The following GIGYF2 variants were observed in gnomAD, a reference collection of about 807,000 sequenced individuals.
GIGYF2 encodes the protein GRB10-interacting GYF protein 2.
GIGYF2 carries 25 observed loss-of-function variants against 208.1 expected under a neutral mutation model. That is an observed-to-expected ratio of 0.12 (90% CI 0.09 to 0.17). The LOEUF (loss-of-function observed/expected upper bound fraction) is 0.17, where lower values mean the gene tolerates loss of function less well. Among genes scored for constraint, GIGYF2 ranks in the 10% least tolerant of loss-of-function variants. GIGYF2 has a pLI of 1.00. For missense variants in GIGYF2, 1,302 were observed against 1,579.4 expected, an observed-to-expected ratio of 0.82 and a Z score of 2.98; for synonymous variants, 534 against 543.8, an observed-to-expected ratio of 0.98 and a Z score of 0.25.
intron 3 of GIGYF2, among the ~76,000 whole-genome samples, chr2:232,737,907 CTTTTTTTTT>C (rs11320395): frequency 1.2e-5 from 1 of 85,218 alleles, no homozygotes; most frequent in South Asian, 5.3e-4. Context: ...TAAGCTTTAA[CTTTTTTTTT>C]TTTTTTTTTT....
rs1480490643 is a variant in GIGYF2 at position 232,858,503 on chromosome 2, A to T, written c.*1643A>T. On this transcript the variant is annotated 3_prime_UTR_variant, in exon 29 of 29. Coordinates refer to ENST00000373563, the MANE Select transcript of GIGYF2 (RefSeq NM_001103146.3). Reference sequence around the variant, plus strand: ...GCTCCTACTCTCCTTTGCTTTGTAAATTCAAAAGTTGGGGGTGGGTAAGAG... The same window carrying T: ...GCTCCTACTCTCCTTTGCTTTGTAATTTCAAAAGTTGGGGGTGGGTAAGAG... 1 of 456,500 alleles carries T rather than the reference A, an allele frequency of 2.2e-6. No homozygotes were observed. The highest frequency in any genetic ancestry group is 1.5e-5 in the South Asian group (1 of 64,564). 28.3% of individuals were successfully genotyped at this position (456,500 alleles called of 1,614,324 possible).
intron 3 of GIGYF2, chr2:232,735,514 G>C (rs929263386): frequency 2.9e-6 from 1 of 347,960 alleles, no homozygotes; most frequent in East Asian, 5.4e-5. Flanking sequence ...TATTTGAGTC[G>C]TTGTCTAGGT....
chr2:232,786,960 A>C (rs1200208985), intron 8 of GIGYF2, among the ~76,000 whole-genome samples, 190 bp from the exon 9 acceptor site: 2 of 152,228 alleles, frequency 1.3e-5, no homozygotes, highest in South Asian at 4.1e-4. Flanking sequence ...AAAATTGCCC[A>C]GTCTCTGAAC....
chr2:232,846,129 A>T (rs1701996122), intron 26 of GIGYF2, among the ~76,000 whole-genome samples: 1 of 152,200 alleles, frequency 6.6e-6, no homozygotes, highest in African/African-American at 2.4e-5. Context: ...TGCCTTAATG[A>T]TACACAGGAC....
intron 22 of GIGYF2, among the ~76,000 whole-genome samples, chr2:232,836,330 AC>A (rs1701624873): frequency 2.7e-4 from 8 of 29,968 alleles, no homozygotes; most frequent in African/African-American, 7.6e-4. Context: ...ATATATATAT[AC>A]ATATATATAC....
At chr2:232,810,031 A>T (rs1700685935) in intron 16 of GIGYF2, among the ~76,000 whole-genome samples, 1 of 152,218 alleles carries the variant, frequency 6.6e-6, no homozygotes, top group African/African-American at 2.4e-5. Flanking sequence ...TCTGTCATCC[A>T]GGCTGGAGTG....
intron 8 of GIGYF2, among the ~76,000 whole-genome samples, chr2:232,775,495 T>G (rs570165061): frequency 6.6e-6 from 1 of 152,316 alleles, no homozygotes; most frequent in Non-Finnish European, 1.5e-5. Context: ...GTTTAAAAAA[T>G]TATACTATTG....
rs367979641 is a variant in GIGYF2 at position 232,788,670 on chromosome 2, T to TA, written c.712+1342dup. On this transcript the variant is annotated intron_variant, in intron 9 of 28. Transcript: ENST00000373563. ...TTCTATTAAAGGGAGTTTAACAAAG[T>TA]ACCTCCCACCCAACAACTTAGAATT... 1,071 of 416,550 alleles carry TA rather than the reference T, an allele frequency of 2.6e-3. 6 individuals are homozygous for TA. The highest frequency in any genetic ancestry group is 0.02 in the African/African-American group (991 of 48,910). 25.8% of individuals were successfully genotyped at this position (416,550 alleles called of 1,614,324 possible).
chr2:232,755,447 C>T (rs1287984716), intron 5 of GIGYF2, among the ~76,000 whole-genome samples: 1 of 152,196 alleles, frequency 6.6e-6, no homozygotes, highest in Non-Finnish European at 1.5e-5. Context: ...GGATTACAGG[C>T]ATGAACCACC....
At chr2:232,760,795 A>G (rs749709737) in intron 7 of GIGYF2, 14 of 521,790 alleles carry the variant, frequency 2.7e-5, no homozygotes, top group Non-Finnish European at 4.1e-5. Context: ...ATAGGTTAAT[A>G]TATGAGTGCC....
intron 28 of GIGYF2, among the ~76,000 whole-genome samples, chr2:232,851,413 A>ATTTTTTTTT (rs5839451): frequency 2.0e-5 from 3 of 149,088 alleles, no homozygotes; most frequent in Non-Finnish European, 1.5e-5. Flanking sequence ...TGAAACTAAC[A>ATTTTTTTTT]TTTTTTTTTT....
chr2:232,852,769 T>C (rs1006451391), intron 28 of GIGYF2, among the ~76,000 whole-genome samples: 1 of 152,200 alleles, frequency 6.6e-6, no homozygotes, highest in Non-Finnish European at 1.5e-5. Context: ...CCTTAAATTC[T>C]AACTGTGGGT....
intron 8 of GIGYF2, among the ~76,000 whole-genome samples, chr2:232,783,161 A>G (rs80216379): frequency 5.6e-4 from 85 of 152,344 alleles, no homozygotes; most frequent in Non-Finnish European, 9.3e-4. Flanking sequence ...ATTTAAAACA[A>G]CCTTGTGATT....
chr2:232,765,816 G>A (rs76809839), intron 8 of GIGYF2: 530 of 384,922 alleles, frequency 1.4e-3, no homozygotes, highest in African/African-American at 2.7e-3. Flanking sequence ...TTGTACATAT[G>A]TAAAACTAGG....
intron 8 of GIGYF2, chr2:232,766,775 C>G (rs1363681600): frequency 6.6e-6 from 1 of 152,206 alleles, no homozygotes; most frequent in Non-Finnish European, 1.5e-5. Context: ...GCTCTTCACA[C>G]CTGCTTGCCT....
chr2:232,748,667 C>G (rs1698237295), intron 4 of GIGYF2, among the ~76,000 whole-genome samples: 1 of 152,228 alleles, frequency 6.6e-6, no homozygotes, highest in Non-Finnish European at 1.5e-5. Context: ...GCTTATAAAA[C>G]TCTCCTTATC....
rs1356196361 is a variant in GIGYF2 at position 232,794,912 on chromosome 2, G to C, written c.1447G>C (p.Asp483His). Residue 483 changes from aspartate to histidine, a missense_variant, in exon 13 of 29, where the codon GAT (aspartate) becomes CAT (histidine). This residue lies in a region of GIGYF2 where 235 missense variants were observed against 218.8 expected (regional missense o/e 1.07). Transcript: ENST00000373563. ...TATGGGCAGTGTTTCCACAGAACCTGATGATGAAGAAGGTCTCAAACATTT... is the reference window on the plus strand; with the variant it reads ...TATGGGCAGTGTTTCCACAGAACCTCATGATGAAGAAGGTCTCAAACATTT... Reference protein sequence around the residue: ...PGMGSVSTEPDDEEGLKHLEQ... With the variant: ...PGMGSVSTEPHDEEGLKHLEQ... 1.9e-6 allele frequency: 3 copies of C among 1,613,854 alleles called. No homozygotes were observed. The highest frequency in any genetic ancestry group is 8.5e-7 in the Non-Finnish European group (1 of 1,179,746).
At position 232,809,650 on chromosome 2, in the gene GIGYF2, G is replaced by A. The variant is rs1459631746; in HGVS notation, c.1807-70G>A. On this transcript the variant is annotated intron_variant, in intron 15 of 28. Coordinates refer to ENST00000373563, the MANE Select transcript of GIGYF2 (RefSeq NM_001103146.3). ...AGATTCATTTTGATTTCAGATACCTGTACTAAGTGGCTTTTAGGTTCTTTG... is the reference window on the plus strand; with the variant it reads ...AGATTCATTTTGATTTCAGATACCTATACTAAGTGGCTTTTAGGTTCTTTG... 4.7e-6 allele frequency: 4 copies of A among 855,152 alleles called. No homozygotes were observed. The African/African-American group carries it at 6.6e-5, about 14-fold the overall frequency. 53.0% of individuals were successfully genotyped at this position (855,152 alleles called of 1,614,324 possible). A position where few individuals can be genotyped will look rare whatever the true frequency, so the allele number is the denominator to read the frequency against.
chr2:232,842,404 T>C (rs1331464536), intron 23 of GIGYF2, among the ~76,000 whole-genome samples: 1 of 152,216 alleles, frequency 6.6e-6, no homozygotes, highest in Non-Finnish European at 1.5e-5. Context: ...TGAGTCCTTA[T>C]TTTGTTCTTT....
Sources: allele counts gnomAD v4.1 joint callset (sites outside exome capture counted in the v4.1 genomes callset), GRCh38; gene constraint gnomAD v4.1.1; regional missense constraint gnomAD v4.1.1; transcripts MANE v1.5; gene names NCBI Gene and HGNC (gene_info 2026-07-23, HGNC 2026-07-21).